The following MTHFSD variants were observed in gnomAD, a reference collection of about 807,000 sequenced individuals.
The protein encoded by MTHFSD is methenyltetrahydrofolate synthase domain-containing protein.
Under a neutral mutation model 31.1 loss-of-function variants are expected in MTHFSD, and 37 were observed. That is an observed-to-expected ratio of 1.19 (90% confidence interval 0.91 to 1.56). The LOEUF is 1.56. Ranked by LOEUF, MTHFSD falls within the 40% of genes most tolerant of loss-of-function variation. The pLI, the probability that MTHFSD is intolerant of heterozygous loss-of-function variation, is 0.00. For missense variants in MTHFSD, 664 were observed against 510.1 expected, an observed-to-expected ratio of 1.30 and a Z score of -2.91; for synonymous variants, 221 against 206.9, an observed-to-expected ratio of 1.07 and a Z score of -0.59.
intron 7 of MTHFSD, among the ~76,000 whole-genome samples, chr16:86,534,765 G>A (rs1970444800): frequency 6.6e-6 from 1 of 151,864 alleles, no homozygotes; most frequent in South Asian, 2.1e-4. Flanking sequence ...TCTGAGTACA[G>A]CACCAGAAGC....
At chr16:86,549,077 C>CAATA (rs1206502612) in intron 3 of MTHFSD, among the ~76,000 whole-genome samples, 2 of 152,244 alleles carry the variant, frequency 1.3e-5, no homozygotes, top group Admixed American at 1.3e-4. Flanking sequence ...TCATGATAAT[C>CAATA]AATACACTGA....
intron 5 of MTHFSD, 41 bp downstream of exon 5, chr16:86,546,518 C>A: frequency 3.2e-6 from 5 of 1,571,736 alleles, no homozygotes; most frequent in Non-Finnish European, 4.4e-6. Flanking sequence ...CGCCTTCAGG[C>A]AGAGCTGTCA....
intron 2 of MTHFSD, 161 bp from the exon 3 acceptor site, chr16:86,552,307 A>G (rs758372045): frequency 3.9e-6 from 6 of 1,543,980 alleles, no homozygotes; most frequent in East Asian, 2.4e-5. Context: ...TTCCAATGCA[A>G]TCGCACGTTA....
chr16:86,545,400 T>C (rs1348686526), intron 5 of MTHFSD, among the ~76,000 whole-genome samples: 1 of 152,076 alleles, frequency 6.6e-6, no homozygotes, highest in African/African-American at 2.4e-5. Context: ...CGATGAAACT[T>C]ACGAAGTGTT....
At chr16:86,535,203 G>T in intron 7 of MTHFSD, 1 of 865,368 alleles carries the variant, frequency 1.2e-6, no homozygotes, top group East Asian at 2.0e-4. Context: ...ACTGGCATCC[G>T]CAGGGGCCGT....
rs114472729 is a variant in MTHFSD at position 86,547,082 on chromosome 16, C to A, written c.352-433G>T. ...ACAGGGACACCACCCTCTGCCTCGTCGGACCAGTGTTGGAATTAAATAACA... is the reference window on the plus strand; with the variant it reads ...ACAGGGACACCACCCTCTGCCTCGTAGGACCAGTGTTGGAATTAAATAACA... On this transcript the variant is annotated intron_variant, in intron 4 of 7. Transcript: ENST00000360900. The A allele has an allele frequency of 1.1e-3, 898 of 823,912 alleles. 16 individuals are homozygous for A. The African/African-American group carries it at 0.016, about 15-fold the overall frequency. The allele number at this position is 823,912 out of a possible 1,614,324, so 51.0% of individuals were successfully genotyped here.
At chr16:86,537,404 G>C (rs1272930026) in intron 7 of MTHFSD, among the ~76,000 whole-genome samples, 2 of 152,014 alleles carry the variant, frequency 1.3e-5, no homozygotes, top group African/African-American at 4.8e-5. Context: ...CACTTAAATG[G>C]ACTCCCCCCA....
chr16:86,534,205 C>G (rs1353816761), intron 7 of MTHFSD, among the ~76,000 whole-genome samples: 1 of 152,242 alleles, frequency 6.6e-6, no homozygotes, highest in Non-Finnish European at 1.5e-5. Context: ...CAAGGCATTT[C>G]TCTTCCACTG....
chr16:86,547,080 G>T (rs115530382), intron 4 of MTHFSD: 5 of 810,984 alleles, frequency 6.2e-6, no homozygotes, highest in Non-Finnish European at 6.0e-6. Context: ...CCTCTGCCTC[G>T]TCGGACCAGT....
Position 86,532,373 on chromosome 16 carries a change from C to G in MTHFSD, c.790G>C (p.Glu264Gln), listed in dbSNP as rs1355395436. The G allele has an allele frequency of 1.3e-6, 2 of 1,577,906 alleles. No homozygotes were observed. Among genetic ancestry groups the G allele is most frequent in the Non-Finnish European group, 8.6e-7 (1 of 1,162,678 alleles). Residue 264 changes from glutamate to glutamine, a missense_variant, in exon 8 of 8, where the codon GAA (glutamate) becomes CAA (glutamine). Glu to Gln is a conservative substitution (Grantham distance 29). Coordinates refer to ENST00000360900, the MANE Select transcript of MTHFSD (RefSeq NM_001159377.2). ...TLQGEHQHLP[E>Q]PGCQQTVPLS... ...GGCACTGTCTGCTGGCAGCCTGGTT[C>G]CGGAAGGTGCTGGTGCTCACCCTGG...
chr16:86,538,313 G>A (rs76535634), intron 7 of MTHFSD, among the ~76,000 whole-genome samples: 1 of 152,200 alleles, frequency 6.6e-6, no homozygotes, highest in African/African-American at 2.4e-5. Flanking sequence ...GCAGAACAGA[G>A]CTTCCAGGGT....
intron 5 of MTHFSD, among the ~76,000 whole-genome samples, chr16:86,546,027 C>T (rs1481647705): frequency 5.3e-5 from 8 of 152,324 alleles, no homozygotes; most frequent in African/African-American, 1.4e-4. Context: ...CCTTGTGGAC[C>T]GAGAGCAGCC....
In MTHFSD at chr16:86,547,657, C is replaced by T. The variant is rs986819348; in HGVS notation, c.351+807G>A. 33 of 540,020 alleles carry T rather than the reference C, an allele frequency of 6.1e-5. No individual in the cohort carries two copies. The South Asian group carries it at 2.0e-3, about 33-fold the overall frequency. 33.5% of individuals were successfully genotyped at this position (540,020 alleles called of 1,614,324 possible). The stretch of plus-strand genomic sequence containing the variant: ...TTCTATCTTTCTTTTTCCTTTGCTC[C>T]TTTCTCTCTCTATATATATATTTTT... On this transcript the variant is annotated intron_variant, in intron 4 of 7. Transcript: ENST00000360900.
chr16:86,532,176 G>T lies in MTHFSD; in HGVS notation c.987C>A (p.Leu329=). The T allele has an allele frequency of 6.4e-7, 1 of 1,572,852 alleles. No individual in the cohort carries two copies. The highest frequency in any genetic ancestry group is 8.6e-7 in the Non-Finnish European group (1 of 1,159,278). The change falls in exon 8 of 8, where the codon CTC becomes CTA. Residue 329 remains leucine, a synonymous_variant. Coordinates refer to ENST00000360900, the MANE Select transcript of MTHFSD (RefSeq NM_001159377.2). ...AGGTGAGCCGCAGGGGCACGGAGCCGAGTTCCCGCAGGGCTCTCTTCAGGT... is the reference window on the plus strand; with the variant it reads ...AGGTGAGCCGCAGGGGCACGGAGCCTAGTTCCCGCAGGGCTCTCTTCAGGT... The part of the protein sequence containing the change: ...VSDLKRALRE[L]GSVPLRLTWQ...
intron 4 of MTHFSD, 138 bp from the exon 5 acceptor site, chr16:86,546,787 G>T: frequency 1.4e-6 from 1 of 708,128 alleles, no homozygotes; most frequent in Non-Finnish European, 2.4e-6. Context: ...CCGGAGATGT[G>T]GCGTTTCAGG....
rs962416395 is a variant in MTHFSD at position 86,538,697 on chromosome 16, A to G, written c.681+3000T>C. Among the ~76,000 whole-genome samples the G allele has an allele frequency of 2.6e-5, 4 of 152,244 alleles. No individual in the cohort carries two copies. The East Asian group carries it at 5.8e-4, about 22-fold the overall frequency. On this transcript the variant is annotated intron_variant, in intron 7 of 7. Coordinates refer to ENST00000360900, the MANE Select transcript of MTHFSD (RefSeq NM_001159377.2). ...ACTGTCTCCAAGGATCAGAAGATCA[A>G]TGGAGCTGGACGAACTGCCCAGAGG...
intron 7 of MTHFSD, among the ~76,000 whole-genome samples, chr16:86,536,897 C>T (rs763901413): frequency 1.3e-5 from 2 of 152,228 alleles, no homozygotes; most frequent in Admixed American, 6.5e-5. Flanking sequence ...GTTCCCCTCA[C>T]GCAGACATGC....
At chr16:86,544,908 G>A (rs1597358586) in intron 5 of MTHFSD, among the ~76,000 whole-genome samples, 1 of 152,212 alleles carries the variant, frequency 6.6e-6, no homozygotes, top group Non-Finnish European at 1.5e-5. Context: ...CCTTTGCAGG[G>A]ACATGGATGG....
At chr16:86,554,931 G>A in intron 1 of MTHFSD, 180 bp from the exon 2 acceptor site, 1 of 1,146,884 alleles carries the variant, frequency 8.7e-7, no homozygotes, top group Non-Finnish European at 1.2e-6. Context: ...CACGGCAGGT[G>A]TCCCTCCCGC....
Sources: allele counts gnomAD v4.1 joint callset (sites outside exome capture counted in the v4.1 genomes callset), GRCh38; gene constraint gnomAD v4.1.1; transcripts MANE v1.5; gene names NCBI Gene and HGNC (gene_info 2026-07-23, HGNC 2026-07-21).